The following SHISA6 variants were observed in gnomAD, a reference collection of about 807,000 sequenced individuals.
The protein encoded by SHISA6 is shisa family member 6.
Under a neutral mutation model 47.9 loss-of-function variants are expected in SHISA6, and 22 were observed. The observed-to-expected ratio is 0.46, with a 90% CI of 0.33 to 0.66. The LOEUF (loss-of-function observed/expected upper bound fraction) is 0.66. SHISA6 is among the 30% of genes least tolerant of loss of function. SHISA6 has a pLI of 0.02. For missense variants in SHISA6, 680 were observed against 764.6 expected, an observed-to-expected ratio of 0.89 and a Z score of 1.30; for synonymous variants, 388 against 337.8, an observed-to-expected ratio of 1.15 and a Z score of -1.63.
intron 3 of SHISA6, among the ~76,000 whole-genome samples, chr17:11,429,771 A>G (rs1008354289): frequency 6.6e-6 from 1 of 151,986 alleles, no homozygotes; most frequent in African/African-American, 2.4e-5. Context: ...AGCCTGGGTG[A>G]CAAGAGTGAA....
chr17:11,519,935 G>A (rs1425635144), intron 3 of SHISA6, among the ~76,000 whole-genome samples: 1 of 152,050 alleles, frequency 6.6e-6, no homozygotes, highest in Non-Finnish European at 1.5e-5. Flanking sequence ...ACTCCTAACT[G>A]CTCTCCTCTG....
At chr17:11,537,956 A>G (rs2071801702) in intron 3 of SHISA6, among the ~76,000 whole-genome samples, 1 of 152,242 alleles carries the variant, frequency 6.6e-6, no homozygotes, top group African/African-American at 2.4e-5. Flanking sequence ...AAAATGAATG[A>G]CAGTGGTGAC....
intron 2 of SHISA6, among the ~76,000 whole-genome samples, chr17:11,299,506 T>C (rs1016012617): frequency 1.3e-5 from 2 of 152,224 alleles, no homozygotes; most frequent in South Asian, 2.1e-4. Flanking sequence ...ACATTTATTC[T>C]TTTACATTTC....
chr17:11,346,199 A>G (rs1263217623), intron 2 of SHISA6, among the ~76,000 whole-genome samples: 2 of 152,144 alleles, frequency 1.3e-5, no homozygotes, highest in South Asian at 4.1e-4. Context: ...GCATCTTTTG[A>G]GATAATCATA....
chr17:11,387,666 G>A (rs1597488193), intron 3 of SHISA6, among the ~76,000 whole-genome samples: 1 of 152,170 alleles, frequency 6.6e-6, no homozygotes, highest in Admixed American at 6.5e-5. Flanking sequence ...ATTGGTGGGG[G>A]ATGTGAGAGT....
intron 3 of SHISA6, among the ~76,000 whole-genome samples, chr17:11,384,904 G>A (rs948880995): frequency 2.6e-4 from 39 of 152,328 alleles, no homozygotes; most frequent in African/African-American, 9.4e-4. Flanking sequence ...AGGAGCTACA[G>A]TGATCGCTCT....
intron 3 of SHISA6, among the ~76,000 whole-genome samples, chr17:11,516,527 G>T (rs551114711): frequency 6.6e-6 from 1 of 152,300 alleles, no homozygotes; most frequent in East Asian, 1.9e-4. Flanking sequence ...CAAGCTGAAG[G>T]AGGGGGATCT....
rs971832777 is a variant in SHISA6 at position 11,378,653 on chromosome 17, A to G, written c.800-761A>G. ...TTAACTCGGTTCTCTTTGAATTTCT[A>G]TCCACAATCCTAACCTGCCCTCTGT... On this transcript the variant is annotated intron_variant, in intron 2 of 5. Transcript: ENST00000441885. Among the ~76,000 whole-genome samples the G allele has an allele frequency of 8.5e-5, 13 of 152,170 alleles. 1 individual carries two copies. The highest frequency in any genetic ancestry group is 5.9e-5 in the Non-Finnish European group (4 of 68,032).
chr17:11,423,799 AAAG>A (rs1450705800), intron 3 of SHISA6, among the ~76,000 whole-genome samples: 2 of 151,562 alleles, frequency 1.3e-5, no homozygotes, highest in Admixed American at 1.3e-4. Flanking sequence ...ATAAAAATGT[AAAG>A]AAAGGGATTC....
At chr17:11,548,557 A>G (rs3095681) in intron 3 of SHISA6, among the ~76,000 whole-genome samples, 63,719 of 151,696 alleles carry the variant, frequency 0.42, 13,867 homozygotes, top group East Asian at 0.59. Context: ...TGAATCGTTC[A>G]ACATGAGGAA....
In SHISA6 at chr17:11,558,120, G is replaced by C. The variant is rs938069258; in HGVS notation, c.1472G>C (p.Arg491Pro). 1 of 1,551,172 alleles carries C rather than the reference G, an allele frequency of 6.4e-7. No homozygotes were observed. The highest frequency in any genetic ancestry group is 8.7e-7 in the Non-Finnish European group (1 of 1,147,006). The part of the protein sequence containing the change: ...FVSTPVLDRY[R>P]MSKMHSHPSA... ...TCCACACCCGTGCTGGACCGCTACCGCATGAGCAAGATGCACTCTCATCCC... is the reference window on the plus strand; with the variant it reads ...TCCACACCCGTGCTGGACCGCTACCCCATGAGCAAGATGCACTCTCATCCC... Residue 491 changes from arginine (R) to proline (P), a missense_variant, in exon 6 of 6, where the codon CGC becomes CCC. By Grantham distance (103) the Arg-to-Pro change is moderately radical (BLOSUM62 -2). Coordinates refer to ENST00000441885, the MANE Select transcript of SHISA6 (RefSeq NM_207386.4).
intron 3 of SHISA6, among the ~76,000 whole-genome samples, chr17:11,475,473 G>T (rs950522869): frequency 3.3e-5 from 5 of 152,146 alleles, no homozygotes; most frequent in African/African-American, 9.6e-5. Flanking sequence ...AGTTTAGTGA[G>T]AATTTTTTAT....
intron 3 of SHISA6, among the ~76,000 whole-genome samples, chr17:11,510,533 A>C (rs183107881): frequency 8.5e-5 from 13 of 152,320 alleles, no homozygotes; most frequent in Middle Eastern, 3.4e-3. Flanking sequence ...GTAGTGCTTA[A>C]GCCACAAACC....
At chr17:11,263,256 C>A in intron 1 of SHISA6, 110 bp from the exon 2 acceptor site, 1 of 1,157,000 alleles carries the variant, frequency 8.6e-7, no homozygotes, top group Non-Finnish European at 1.2e-6. Flanking sequence ...CTGTCTCTGT[C>A]TCTTCCTGCA....
At chr17:11,263,212 A>C (rs929960865) in intron 1 of SHISA6, among the ~76,000 whole-genome samples, 154 bp from the exon 2 acceptor site, 2 of 152,162 alleles carry the variant, frequency 1.3e-5, no homozygotes, top group Non-Finnish European at 2.9e-5. Flanking sequence ...CCTGAGACCA[A>C]CACCAGATGT....
At chr17:11,449,083 G>A (rs149774826) in intron 3 of SHISA6, among the ~76,000 whole-genome samples, 1,679 of 152,302 alleles carry the variant, frequency 0.011, 14 homozygotes, top group Non-Finnish European at 0.017. Flanking sequence ...CATTGAGTCT[G>A]AAAGGTACAT....
At chr17:11,526,534 A>G (rs1266547002) in intron 3 of SHISA6, among the ~76,000 whole-genome samples, 1 of 152,140 alleles carries the variant, frequency 6.6e-6, no homozygotes, top group Non-Finnish European at 1.5e-5. Flanking sequence ...AGCTTTGTAG[A>G]GCACATGCAG....
intron 3 of SHISA6, among the ~76,000 whole-genome samples, chr17:11,410,762 T>A (rs1340770744): frequency 2.0e-5 from 3 of 152,096 alleles, no homozygotes; most frequent in Non-Finnish European, 2.9e-5. Context: ...GTGTCACCTA[T>A]GAACAAATTA....
chr17:11,396,846 C>T (rs1027451421), intron 3 of SHISA6, among the ~76,000 whole-genome samples: 2 of 152,056 alleles, frequency 1.3e-5, no homozygotes, highest in Admixed American at 6.5e-5. Context: ...CAACCTGGCA[C>T]GTGGATACCT....
Sources: allele counts gnomAD v4.1 joint callset (sites outside exome capture counted in the v4.1 genomes callset), GRCh38; gene constraint gnomAD v4.1.1; transcripts MANE v1.5; gene names NCBI Gene and HGNC (gene_info 2026-07-23, HGNC 2026-07-21).